Variants in CTNNA3 observed in about 807,000 individuals in gnomAD.
CTNNA3 encodes the protein catenin alpha-3.
In CTNNA3, 76 loss-of-function variants were observed where a neutral mutation model predicts 95.7. The ratio of observed to expected loss-of-function variants is 0.79; its 90% CI spans 0.66 to 0.96. CTNNA3 has a LOEUF of 0.96. Ranked by LOEUF, CTNNA3 falls within the 40% of genes least tolerant of loss-of-function variation. The pLI is 0.00. For missense variants in CTNNA3, 1,191 were observed against 1,089.8 expected, an observed-to-expected ratio of 1.09 and a Z score of -1.31; for synonymous variants, 431 against 374.4, an observed-to-expected ratio of 1.15 and a Z score of -1.74.
At chr10:66,963,486 T>C (rs953487959) in intron 7 of CTNNA3, among the ~76,000 whole-genome samples, 3 of 152,148 alleles carry the variant, frequency 2.0e-5, no homozygotes, top group African/African-American at 7.2e-5. Context: ...TCCAAGTAGA[T>C]GTGAGCAAAT....
chr10:66,904,759 C>A (rs1305904898), intron 7 of CTNNA3, among the ~76,000 whole-genome samples: 2 of 152,164 alleles, frequency 1.3e-5, no homozygotes, highest in South Asian at 4.1e-4. Flanking sequence ...AGCCAACACA[C>A]ACTTGAAAAG....
chr10:66,396,790 C>T (rs1419847152), intron 11 of CTNNA3, among the ~76,000 whole-genome samples: 2 of 151,888 alleles, frequency 1.3e-5, no homozygotes, highest in Non-Finnish European at 2.9e-5. Flanking sequence ...TCTATGCACA[C>T]ATAAGTTTAC....
At chr10:67,431,514 T>C (rs898142376) in intron 5 of CTNNA3, among the ~76,000 whole-genome samples, 2 of 151,878 alleles carry the variant, frequency 1.3e-5, no homozygotes, top group African/African-American at 4.8e-5. Context: ...ATGGCAGAAA[T>C]AGAATTCAAT....
At chr10:66,579,762 G>A (rs1287693768) in intron 10 of CTNNA3, among the ~76,000 whole-genome samples, 1 of 151,632 alleles carries the variant, frequency 6.6e-6, no homozygotes, top group East Asian at 1.9e-4. Flanking sequence ...ATAGGATCCT[G>A]AGTTGACAAA....
At chr10:67,309,529 CTAATAA>C (rs1840696675) in intron 5 of CTNNA3, among the ~76,000 whole-genome samples, 1 of 151,988 alleles carries the variant, frequency 6.6e-6, no homozygotes, top group Admixed American at 6.6e-5. Context: ...ATGAAGGGAG[CTAATAA>C]GAATAAGTGT....
At chr10:67,738,175 G>C (rs1290579953) in intron 1 of CTNNA3, among the ~76,000 whole-genome samples, 1 of 152,274 alleles carries the variant, frequency 6.6e-6, no homozygotes, top group Non-Finnish European at 1.5e-5. Flanking sequence ...ACCAGGAGGG[G>C]CCGAAAGACA....
chr10:67,109,638 A>T (rs1484622581), intron 7 of CTNNA3, among the ~76,000 whole-genome samples: 1 of 151,656 alleles, frequency 6.6e-6, no homozygotes, highest in East Asian at 1.9e-4. Context: ...AGATCAAGAG[A>T]TCTAGACCAT....
chr10:67,692,318 G>T (rs1283451203), intron 1 of CTNNA3, among the ~76,000 whole-genome samples: 4 of 148,480 alleles, frequency 2.7e-5, no homozygotes, highest in Admixed American at 2.0e-4. Context: ...GTGGGGGAAA[G>T]ATTGAGAAAT....
intron 7 of CTNNA3, among the ~76,000 whole-genome samples, chr10:67,020,207 C>A (rs552363148): frequency 6.6e-6 from 1 of 152,196 alleles, no homozygotes; most frequent in South Asian, 2.1e-4. Flanking sequence ...TCAATCTAAG[C>A]CAATCTTTAA....
intron 7 of CTNNA3, among the ~76,000 whole-genome samples, chr10:67,161,457 A>G (rs1861546508): frequency 6.6e-6 from 1 of 151,818 alleles, no homozygotes; most frequent in Admixed American, 6.6e-5. Context: ...TAAAATGTCA[A>G]CTTTATTAAA....
At chr10:67,279,073 G>A (rs987216851) in intron 5 of CTNNA3, among the ~76,000 whole-genome samples, 1 of 152,048 alleles carries the variant, frequency 6.6e-6, no homozygotes, top group Non-Finnish European at 1.5e-5. Context: ...GTCCTGAGTT[G>A]TTTACCTATG....
At chr10:66,650,195 A>T (rs1337571801) in intron 9 of CTNNA3, among the ~76,000 whole-genome samples, 1 of 152,164 alleles carries the variant, frequency 6.6e-6, no homozygotes, top group Non-Finnish European at 1.5e-5. Flanking sequence ...AGGGTAGATC[A>T]TATGTTAGGT....
chr10:65,936,746 G>A (rs1186583164), intron 17 of CTNNA3, among the ~76,000 whole-genome samples: 1 of 152,006 alleles, frequency 6.6e-6, no homozygotes, highest in Admixed American at 6.6e-5. Flanking sequence ...TATTAAACAA[G>A]TGACCATGGA....
intron 11 of CTNNA3, among the ~76,000 whole-genome samples, chr10:66,435,704 T>C (rs2093332091): frequency 1.3e-5 from 2 of 152,172 alleles, no homozygotes; most frequent in South Asian, 4.1e-4. Context: ...TCTTAGTTAT[T>C]TCTTGTCTCC....
At chr10:67,552,559 C>T (rs1211145679) in intron 3 of CTNNA3, among the ~76,000 whole-genome samples, 1 of 151,738 alleles carries the variant, frequency 6.6e-6, no homozygotes, top group Admixed American at 6.6e-5. Context: ...AGTGGCAGGC[C>T]AGGACAGTCA....
At chr10:67,024,270 T>C (rs1250433007) in intron 7 of CTNNA3, among the ~76,000 whole-genome samples, 2 of 152,220 alleles carry the variant, frequency 1.3e-5, no homozygotes, top group Non-Finnish European at 2.9e-5. Context: ...AGTCATCTCA[T>C]TGTGTTCTCG....
At chr10:67,576,385 T>A (rs1842145340) in intron 3 of CTNNA3, among the ~76,000 whole-genome samples, 1 of 152,082 alleles carries the variant, frequency 6.6e-6, no homozygotes, top group African/African-American at 2.4e-5. Flanking sequence ...ACAAATATAA[T>A]GAGAGGAGGC....
rs1347104656 is a variant in CTNNA3, at chr10:66,937,300, G to A, written c.1048-161776C>T. On this transcript the variant is annotated intron_variant, in intron 7 of 17. Coordinates refer to ENST00000433211, the MANE Select transcript of CTNNA3 (RefSeq NM_013266.4). ...TGTAGTTATCATGGGATTGTTGCAA[G>A]AAGGCAAAGAATCAGCATTTGTTAA... is the stretch of plus-strand genomic sequence containing the variant. Among the ~76,000 whole-genome samples the A allele has an allele frequency of 4.6e-5, 7 of 152,082 alleles. No homozygotes were observed. The East Asian group carries it at 9.6e-4, about 21-fold the overall frequency.
chr10:66,924,822 C>T (rs540172403), intron 7 of CTNNA3, among the ~76,000 whole-genome samples: 4 of 151,948 alleles, frequency 2.6e-5, no homozygotes, highest in Non-Finnish European at 5.9e-5. Flanking sequence ...GTTTTTATGC[C>T]CGTTTTGCAG....
Sources: allele counts gnomAD v4.1 joint callset (sites outside exome capture counted in the v4.1 genomes callset), GRCh38; gene constraint gnomAD v4.1.1; transcripts MANE v1.5; gene names NCBI Gene and HGNC (gene_info 2026-07-23, HGNC 2026-07-21).